The following LGR5 variants were observed in gnomAD, a reference collection of about 807,000 sequenced individuals.
LGR5 encodes leucine rich repeat containing G protein-coupled receptor 5.
A neutral mutation model predicts 76.7 loss-of-function variants in LGR5; 54 were observed. That is an observed-to-expected ratio of 0.70 (90% CI 0.57 to 0.88). The LOEUF is 0.88. LGR5 is among the 40% of genes least tolerant of loss of function. The pLI, the probability that LGR5 is intolerant of heterozygous loss-of-function variation, is 0.00. For synonymous variants in LGR5, 406 were observed against 421.9 expected (o/e 0.96, Z 0.46); for missense variants, 1,078 against 1,073.3 (o/e 1.00, Z -0.06).
intron 16 of LGR5, among the ~76,000 whole-genome samples, chr12:71,581,942 C>G (rs936730727): frequency 1.3e-5 from 2 of 152,158 alleles, no homozygotes; most frequent in Non-Finnish European, 2.9e-5. Flanking sequence ...TCACAAAACT[C>G]CTATTTCATG....
intron 4 of LGR5, among the ~76,000 whole-genome samples, chr12:71,551,577 G>A (rs1231735370): frequency 6.6e-6 from 1 of 152,186 alleles, no homozygotes; most frequent in East Asian, 1.9e-4. Flanking sequence ...GCTGTTGGAA[G>A]CATAGTTTGA....
intron 1 of LGR5, among the ~76,000 whole-genome samples, chr12:71,458,591 C>T (rs2137222784): frequency 6.6e-6 from 1 of 152,134 alleles, no homozygotes; most frequent in Admixed American, 6.5e-5. Context: ...TACTTTCTTG[C>T]TAGTTTTTAT....
At chr12:71,479,504 G>A (rs568151430) in intron 1 of LGR5, among the ~76,000 whole-genome samples, 1 of 152,280 alleles carries the variant, frequency 6.6e-6, no homozygotes, top group Admixed American at 6.5e-5. Context: ...AAGTAAGTCA[G>A]TAAGTAATGA....
At chr12:71,531,048 A>C (rs915171696) in intron 3 of LGR5, among the ~76,000 whole-genome samples, 5 of 151,760 alleles carry the variant, frequency 3.3e-5, no homozygotes, top group Non-Finnish European at 7.4e-5. Flanking sequence ...GTAGAGTAGC[A>C]TGGGGATGCT....
chr12:71,561,758 T>C (rs771918187), intron 7 of LGR5, 23 bp from the exon 8 acceptor site: 2 of 1,496,084 alleles, frequency 1.3e-6, no homozygotes, highest in Non-Finnish European at 9.2e-7. Context: ...CAGGATTTTT[T>C]ATAATTTTTT....
chr12:71,500,185 C>G (rs1251600122), intron 1 of LGR5, among the ~76,000 whole-genome samples: 1 of 151,830 alleles, frequency 6.6e-6, no homozygotes, highest in Non-Finnish European at 1.5e-5. Flanking sequence ...CTTCAAGTAA[C>G]AAAAACATTT....
chr12:71,573,076 TC>T lies in LGR5; in HGVS notation c.1208+157del, dbSNP rs2137458710. The T allele has an allele frequency of 1.6e-5, 9 of 556,596 alleles. No individual in the cohort carries two copies. In the South Asian group the frequency reaches 2.4e-4, roughly 15 times the overall value. The allele number at this position is 556,596 out of a possible 1,614,324, so 34.5% of individuals were successfully genotyped here. ...ATCAAGTATTTTGCTTCTGGTAATTTCCAGGAATAAATCTAAAAGTAGTAAA... is the reference window on the plus strand; with the variant it reads ...ATCAAGTATTTTGCTTCTGGTAATTTCAGGAATAAATCTAAAAGTAGTAAA... On this transcript the variant is annotated intron_variant, in intron 13 of 17. Coordinates refer to ENST00000266674, the MANE Select transcript of LGR5 (RefSeq NM_003667.4).
chr12:71,530,222 T>G lies in LGR5; in HGVS notation c.357-4893T>G, dbSNP rs181051446. Among the ~76,000 whole-genome samples, 174 of 152,234 alleles carry G rather than the reference T, an allele frequency of 1.1e-3. 1 individual carries two copies. Among genetic ancestry groups the G allele is most frequent in the Middle Eastern group, 0.01 (3 of 294 alleles). On this transcript the variant is annotated intron_variant, in intron 3 of 17. Transcript: ENST00000266674. The stretch of plus-strand genomic sequence containing the variant: ...AAGTGGCATTACAAAATATTTGTTA[T>G]TAAAGGGAACGTTGAATCCAATATA...
chr12:71,454,916 C>T (rs142487667), intron 1 of LGR5, among the ~76,000 whole-genome samples: 10 of 151,772 alleles, frequency 6.6e-5, no homozygotes, highest in Non-Finnish European at 1.3e-4. Flanking sequence ...ATAAAGCAAC[C>T]GGAATACTCC....
At chr12:71,555,756 T>G (rs1148984) in intron 5 of LGR5, among the ~76,000 whole-genome samples, 146,968 of 152,310 alleles carry the variant, frequency 0.96, 71,123 homozygotes, top group Middle Eastern at 1. Flanking sequence ...CATTGTGGAA[T>G]ACAGTGTGGC....
intron 3 of LGR5, 100 bp from the exon 4 acceptor site, chr12:71,535,015 C>T: frequency 1.4e-6 from 1 of 699,246 alleles, no homozygotes. Flanking sequence ...TTGTCTGATG[C>T]TCTGTTGTTT....
intron 2 of LGR5, among the ~76,000 whole-genome samples, 190 bp downstream of exon 2, chr12:71,504,875 CT>C (rs1321444476): frequency 1.3e-5 from 2 of 152,144 alleles, no homozygotes; most frequent in African/African-American, 2.4e-5. Flanking sequence ...TGGAAATCAA[CT>C]TATAAAAGAG....
intron 4 of LGR5, among the ~76,000 whole-genome samples, chr12:71,544,536 TAA>T (rs75222528): frequency 1.4e-5 from 2 of 140,778 alleles, no homozygotes; most frequent in Non-Finnish European, 3.1e-5. Flanking sequence ...CCATAAATAT[TAA>T]AAAAAAAAAA....
Position 71,584,559 on chromosome 12 carries a change from T to A in LGR5, c.2549T>A (p.Met850Lys). The A allele has an allele frequency of 6.2e-7, 1 of 1,614,128 alleles. No homozygotes were observed. Residue 850 changes from methionine (M) to lysine (K), a missense_variant, in exon 18 of 18, where the codon ATG becomes AAG. Physicochemically the swap from Met to Lys is moderately conservative, Grantham distance 95 (BLOSUM62 -1). Coordinates refer to ENST00000266674, the MANE Select transcript of LGR5 (RefSeq NM_003667.4). Reference protein sequence around the residue: ...VWTRSKHPSLMSINSDDVEKQ... With the variant: ...VWTRSKHPSLKSINSDDVEKQ... ...ACAAGATCAAAACACCCAAGCTTGA[T>A]GTCAATTAACTCTGATGATGTCGAA...
intron 3 of LGR5, among the ~76,000 whole-genome samples, chr12:71,532,209 A>G (rs1876353450): frequency 6.6e-6 from 1 of 152,222 alleles, no homozygotes; most frequent in African/African-American, 2.4e-5. Context: ...TGAACTTAAA[A>G]TTGGATGATG....
chr12:71,526,516 G>C (rs1876012602), intron 3 of LGR5, among the ~76,000 whole-genome samples: 1 of 152,058 alleles, frequency 6.6e-6, no homozygotes, highest in Non-Finnish European at 1.5e-5. Context: ...TACAGTCAAG[G>C]GTTCAGCAAA....
intron 3 of LGR5, among the ~76,000 whole-genome samples, chr12:71,525,844 T>C (rs1324227660): frequency 6.6e-6 from 1 of 151,376 alleles, no homozygotes; most frequent in Non-Finnish European, 1.5e-5. Flanking sequence ...CATATAATTA[T>C]AATTTTAAAT....
intron 1 of LGR5, among the ~76,000 whole-genome samples, chr12:71,497,314 G>GAAAAAAAAAAAAAAAAAAAAAA (rs1874374503): frequency 6.7e-6 from 1 of 149,630 alleles, no homozygotes; most frequent in Non-Finnish European, 1.5e-5. Context: ...AACCTTAGTT[G>GAAAAAAAAAAAAAAAAAAAAAA]AAAGAAGAAA....
At chr12:71,534,759 C>T (rs949780172) in intron 3 of LGR5, among the ~76,000 whole-genome samples, 2 of 152,136 alleles carry the variant, frequency 1.3e-5, no homozygotes, top group Non-Finnish European at 2.9e-5. Context: ...TAACTTTTCC[C>T]AAATATTCAC....
Sources: allele counts gnomAD v4.1 joint callset (sites outside exome capture counted in the v4.1 genomes callset), GRCh38; gene constraint gnomAD v4.1.1; transcripts MANE v1.5; gene names NCBI Gene and HGNC (gene_info 2026-07-23, HGNC 2026-07-21).